CUBN: variants seen among roughly 807,000 people sequenced by gnomAD.
The protein encoded by CUBN is cubilin.
Under a neutral mutation model 405.3 loss-of-function variants are expected in CUBN, and 282 were observed. That is an observed-to-expected ratio of 0.70 (90% CI 0.63 to 0.77). The LOEUF (loss-of-function observed/expected upper bound fraction) is 0.77, where lower values mean the gene tolerates loss of function less well. CUBN is among the 30% of genes least tolerant of loss of function. CUBN has a pLI of 0.00. For missense variants in CUBN, 4,514 were observed against 4,475.2 expected, an observed-to-expected ratio of 1.01 and a Z score of -0.25; for synonymous variants, 1,684 against 1,617.0, an observed-to-expected ratio of 1.04 and a Z score of -0.99.
chr10:16,915,681 C>G (rs768363923), intron 46 of CUBN, 140 bp downstream of exon 46: 16 of 755,616 alleles, frequency 2.1e-5, no homozygotes, highest in Non-Finnish European at 3.5e-5. Context: ...ATCACCAGTA[C>G]TGCCCAAAGC....
Position 16,900,780 on chromosome 10 carries a change from C to G in CUBN, c.8255G>C (p.Gly2752Ala), listed in dbSNP as rs1841339278. ...TATGATGGGTGATTCAGGGGACCCACCATTCCTGACAGTGACAGAGTCCCA... is the reference window on the plus strand; with the variant it reads ...TATGATGGGTGATTCAGGGGACCCAGCATTCCTGACAGTGACAGAGTCCCA... ...CAWDSVTVRN[G>A]GSPESPIIGQ... Residue 2752 changes from glycine to alanine, a missense_variant, in exon 53 of 67, where the codon GGT becomes GCT. Gly to Ala is a moderately conservative substitution (Grantham distance 60, BLOSUM62 0). Around this residue, in one of 5 missense-constraint regions of CUBN, gnomAD observed 1,186 missense variants for 1,186.9 expected, o/e 1.00. Transcript: ENST00000377833. 1 of 1,613,894 alleles carries G rather than the reference C, an allele frequency of 6.2e-7. No homozygotes were observed. Among genetic ancestry groups the G allele is most frequent in the Admixed American group, 1.7e-5 (1 of 59,984 alleles).
At chr10:16,910,066 ACTT>A (rs1313689105) in intron 48 of CUBN, among the ~76,000 whole-genome samples, 1 of 150,372 alleles carries the variant, frequency 6.7e-6, no homozygotes. Context: ...TTCATCTTTT[ACTT>A]CTTCTTTTCT....
At chr10:17,114,922 A>T (rs1376770738) in intron 7 of CUBN, among the ~76,000 whole-genome samples, 1 of 152,198 alleles carries the variant, frequency 6.6e-6, no homozygotes, top group Non-Finnish European at 1.5e-5. Context: ...GTCTTATCTC[A>T]GAGAGAGTCA....
intron 29 of CUBN, among the ~76,000 whole-genome samples, chr10:16,989,700 C>T (rs929553482): frequency 6.6e-6 from 1 of 152,104 alleles, no homozygotes; most frequent in Non-Finnish European, 1.5e-5. Context: ...CCAAGACACA[C>T]CCTTCGCAGA....
At chr10:16,913,754 G>T (rs772230578) in intron 48 of CUBN, 57 bp downstream of exon 48, 119 of 1,598,330 alleles carry the variant, frequency 7.4e-5, no homozygotes, top group Non-Finnish European at 9.3e-5. Context: ...TGATTTATGG[G>T]TCGGTAAACT....
chr10:16,905,887 A>C (rs557597820), intron 50 of CUBN, among the ~76,000 whole-genome samples: 43 of 152,226 alleles, frequency 2.8e-4, no homozygotes, highest in Middle Eastern at 6.8e-3. Context: ...CCAAAGAGGG[A>C]GGATCACTTG....
chr10:17,112,322 G>A (rs1161329894), intron 8 of CUBN, among the ~76,000 whole-genome samples: 1 of 151,952 alleles, frequency 6.6e-6, no homozygotes, highest in Non-Finnish European at 1.5e-5. Context: ...ATGGTCCTCT[G>A]TGTGATAAGA....
intron 65 of CUBN, 60 bp downstream of exon 65, chr10:16,831,191 AC>A: frequency 6.9e-7 from 1 of 1,454,830 alleles, no homozygotes; most frequent in Non-Finnish European, 9.7e-7. Context: ...TTTGCCTTTT[AC>A]TATTAGACAC....
At position 17,114,138 on chromosome 10, in the gene CUBN, G is replaced by T; in HGVS notation, c.772C>A (p.Pro258Thr). 1 of 1,613,746 alleles carries T rather than the reference G, an allele frequency of 6.2e-7. No individual in the cohort carries two copies. Among genetic ancestry groups the T allele is most frequent in the Non-Finnish European group, 8.5e-7 (1 of 1,179,888 alleles). Reference protein sequence around the residue: ...DAGWMFSPNSPACTLDRDECS... With the variant: ...DAGWMFSPNSTACTLDRDECS... The stretch of plus-strand genomic sequence containing the variant: ...TCGTCTCTGTCCAGCGTGCAGGCAG[G>T]GCTGTTGGGTGAAAACATCCACCCA... Residue 258 changes from proline to threonine, a missense_variant, in exon 8 of 67, where the codon CCT (proline) becomes ACT (threonine). Physicochemically the swap from Pro to Thr is conservative, Grantham distance 38 (BLOSUM62 -1). Around this residue, in one of 5 missense-constraint regions of CUBN, gnomAD observed 1,448 missense variants for 1,388.0 expected, o/e 1.04. Transcript: ENST00000377833.
intron 27 of CUBN, among the ~76,000 whole-genome samples, chr10:17,022,703 T>C (rs1283128263): frequency 1.3e-5 from 2 of 152,202 alleles, no homozygotes; most frequent in Admixed American, 1.3e-4. Context: ...TTCTTAATTC[T>C]AGGGCATGAA....
intron 28 of CUBN, among the ~76,000 whole-genome samples, chr10:17,001,957 G>A (rs767751600): frequency 7.9e-5 from 12 of 152,152 alleles, no homozygotes; most frequent in African/African-American, 1.2e-4. Flanking sequence ...TCTTATAAGT[G>A]GTAGTTACTG....
At chr10:16,970,435 G>T (rs1300163220) in intron 31 of CUBN, among the ~76,000 whole-genome samples, 1 of 152,102 alleles carries the variant, frequency 6.6e-6, no homozygotes, top group Non-Finnish European at 1.5e-5. Context: ...TATTAGCCGG[G>T]CATGGTGGCA....
At chr10:16,857,406 T>G (rs929119456) in intron 59 of CUBN, among the ~76,000 whole-genome samples, 5 of 152,210 alleles carry the variant, frequency 3.3e-5, no homozygotes, top group African/African-American at 1.2e-4. Context: ...GAGCAATACT[T>G]GTATAAAGAA....
chr10:16,847,859 A>C (rs1404510117), intron 60 of CUBN, among the ~76,000 whole-genome samples: 1 of 152,108 alleles, frequency 6.6e-6, no homozygotes, highest in Non-Finnish European at 1.5e-5. Flanking sequence ...CAGTTAAATT[A>C]GCTTTTCTAA....
chr10:16,971,829 C>T (rs1010386238), intron 31 of CUBN, among the ~76,000 whole-genome samples: 8 of 152,108 alleles, frequency 5.3e-5, no homozygotes, highest in Admixed American at 1.3e-4. Flanking sequence ...ACCAACTCTC[C>T]ACTGATTTTG....
At chr10:17,071,716 G>A in intron 18 of CUBN, 111 bp downstream of exon 18, 2 of 1,482,860 alleles carry the variant, frequency 1.3e-6, no homozygotes, top group Non-Finnish European at 1.9e-6. Flanking sequence ...ACATTTCTAT[G>A]AGAATATTTT....
intron 27 of CUBN, among the ~76,000 whole-genome samples, chr10:17,033,992 C>T (rs559515597): frequency 6.6e-6 from 1 of 152,284 alleles, no homozygotes; most frequent in Admixed American, 6.5e-5. Context: ...TCTTGGAATG[C>T]ATTATTTTGC....
Position 17,068,276 on chromosome 10 carries a change from A to T in CUBN, c.2796T>A (p.Cys932Ter). 1 of 1,613,588 alleles carries T rather than the reference A, an allele frequency of 6.2e-7. No individual in the cohort carries two copies. The highest frequency in any genetic ancestry group is 8.5e-7 in the Non-Finnish European group (1 of 1,179,600). The stretch of plus-strand genomic sequence containing the variant: ...CTGTTGATTCTGTAAGAATTTCTCC[A>T]CATGCTGTTGAAATAAAAATTATAA... ...MAKFSAEDLA[C>*]GEILTESTGT... Residue 932 changes from cysteine to a stop codon, truncating the protein, a stop_gained, in exon 21 of 67, where the codon TGT becomes TGA. Coordinates refer to ENST00000377833, the MANE Select transcript of CUBN (RefSeq NM_001081.4). LOFTEE classifies it high-confidence loss of function.
At chr10:17,016,704 C>T (rs2131775667) in intron 28 of CUBN, among the ~76,000 whole-genome samples, 1 of 151,932 alleles carries the variant, frequency 6.6e-6, no homozygotes, top group African/African-American at 2.4e-5. Flanking sequence ...TTTTGTGGTC[C>T]CTTGGAGATT....
Sources: gnomAD v4.1 joint callset for allele counts (sites outside exome capture counted in the v4.1 genomes callset) on GRCh38, gnomAD v4.1.1 for gene constraint, gnomAD v4.1.1 regional missense constraint, MANE v1.5 for transcripts, NCBI Gene and HGNC (gene_info 2026-07-23, HGNC 2026-07-21) for gene names.